Variants in MYRIP observed in about 807,000 individuals in gnomAD.
MYRIP encodes rab effector MyRIP.
In MYRIP, 49 loss-of-function variants were observed where a neutral mutation model predicts 98.0. That is an observed-to-expected ratio of 0.50 (90% confidence interval 0.40 to 0.63). The LOEUF (loss-of-function observed/expected upper bound fraction) is 0.63. Among genes scored for constraint, MYRIP ranks in the 30% least tolerant of loss-of-function variants. MYRIP has a pLI of 0.00. For missense variants in MYRIP, 1,004 were observed against 1,058.2 expected (o/e 0.95, Z 0.71); for synonymous variants, 404 against 409.5 (o/e 0.99, Z 0.16).
chr3:40,252,173 A>C (rs1221040485), intron 16 of MYRIP, among the ~76,000 whole-genome samples, 174 bp downstream of exon 16: 2 of 152,200 alleles, frequency 1.3e-5, no homozygotes, highest in Non-Finnish European at 2.9e-5. Flanking sequence ...AACCAAGAGC[A>C]GAGTGCTTGG....
At chr3:40,034,874 C>A (rs1947342304) in intron 2 of MYRIP, among the ~76,000 whole-genome samples, 1 of 151,424 alleles carries the variant, frequency 6.6e-6, no homozygotes, top group Non-Finnish European at 1.5e-5. Context: ...ACATATACAC[C>A]ATGGAATACT....
In MYRIP at chr3:40,049,279, C is replaced by T. The variant is rs770103200; in HGVS notation, c.332+5008C>T. 5.9e-5 allele frequency among the ~76,000 whole-genome samples: 9 copies of T among 152,214 alleles called. No individual in the cohort carries two copies. In the South Asian group the frequency reaches 1.7e-3, roughly 28 times the overall value. Reference sequence around the variant, plus strand: ...GCAACCCTGCATTGAGCAAGTCTGTCGAGGCCACTTTTTCCGATAGCATAG... The same window carrying T: ...GCAACCCTGCATTGAGCAAGTCTGTTGAGGCCACTTTTTCCGATAGCATAG... On this transcript the variant is annotated intron_variant, in intron 3 of 16. Coordinates refer to ENST00000302541, the MANE Select transcript of MYRIP (RefSeq NM_015460.4).
At chr3:39,963,140 T>A (rs1945364360) in intron 2 of MYRIP, among the ~76,000 whole-genome samples, 1 of 152,130 alleles carries the variant, frequency 6.6e-6, no homozygotes, top group Admixed American at 6.6e-5. Context: ...ATCAGCACTT[T>A]CCGGGTGACC....
At chr3:40,022,425 A>G (rs1947018616) in intron 2 of MYRIP, among the ~76,000 whole-genome samples, 1 of 152,214 alleles carries the variant, frequency 6.6e-6, no homozygotes, top group Non-Finnish European at 1.5e-5. Flanking sequence ...TCAGTAAGGC[A>G]GGGAGGGAAT....
intron 1 of MYRIP, among the ~76,000 whole-genome samples, chr3:39,826,491 A>G (rs1311573291): frequency 6.6e-6 from 1 of 152,004 alleles, no homozygotes; most frequent in Non-Finnish European, 1.5e-5. Context: ...ATTAATTTCC[A>G]GTTTTATTCC....
chr3:39,859,453 G>A (rs1942398214), intron 1 of MYRIP, among the ~76,000 whole-genome samples: 1 of 152,166 alleles, frequency 6.6e-6, no homozygotes, highest in Admixed American at 6.5e-5. Context: ...AGCATTTAAA[G>A]AACTGTTGCC....
chr3:40,070,126 A>G (rs556616954), intron 3 of MYRIP, among the ~76,000 whole-genome samples: 1 of 152,300 alleles, frequency 6.6e-6, no homozygotes, highest in African/African-American at 2.4e-5. Context: ...TGGGTCCCTT[A>G]ATGCCCAAAA....
At chr3:39,904,657 G>T (rs1442731555) in intron 2 of MYRIP, among the ~76,000 whole-genome samples, 1 of 152,184 alleles carries the variant, frequency 6.6e-6, no homozygotes, top group Admixed American at 6.5e-5. Flanking sequence ...ACTGGGGAAA[G>T]CTTACAGCCC....
intron 1 of MYRIP, among the ~76,000 whole-genome samples, chr3:39,816,539 C>T (rs1157993690): frequency 6.6e-6 from 1 of 152,136 alleles, no homozygotes; most frequent in Non-Finnish European, 1.5e-5. Flanking sequence ...GCACTCTGAA[C>T]AGTGCCTGGC....
At chr3:39,876,479 C>T (rs933674146) in intron 1 of MYRIP, among the ~76,000 whole-genome samples, 2 of 152,102 alleles carry the variant, frequency 1.3e-5, no homozygotes, top group Admixed American at 6.5e-5. Context: ...GTGGTTGGTA[C>T]CGGTTGTTCC....
At chr3:40,258,064 A>G in intron 16 of MYRIP, 70 bp from the exon 17 acceptor site, 1 of 1,540,724 alleles carries the variant, frequency 6.5e-7, no homozygotes, top group Non-Finnish European at 9.0e-7. Flanking sequence ...AGCAGTAAAC[A>G]TTATTTTTCA....
At chr3:40,037,400 A>G (rs1947407155) in intron 2 of MYRIP, among the ~76,000 whole-genome samples, 1 of 152,058 alleles carries the variant, frequency 6.6e-6, no homozygotes, top group Non-Finnish European at 1.5e-5. Flanking sequence ...AGAGGGAGGC[A>G]GGTTTGCATG....
chr3:39,979,998 G>C (rs927033104), intron 2 of MYRIP, among the ~76,000 whole-genome samples: 1 of 152,156 alleles, frequency 6.6e-6, no homozygotes, highest in Non-Finnish European at 1.5e-5. Flanking sequence ...CATGCCAATG[G>C]GGAGGCAGAA....
At chr3:39,828,714 A>G (rs932089440) in intron 1 of MYRIP, among the ~76,000 whole-genome samples, 2 of 152,144 alleles carry the variant, frequency 1.3e-5, no homozygotes, top group Non-Finnish European at 2.9e-5. Flanking sequence ...CCACATATCA[A>G]TGAGAACATA....
Position 40,250,245 on chromosome 3 carries a change from T to C in MYRIP, c.2286T>C (p.Ile762=). Residue 762 remains isoleucine, a synonymous_variant, in exon 14 of 17, where the codon ATT becomes ATC. Coordinates refer to ENST00000302541, the MANE Select transcript of MYRIP (RefSeq NM_015460.4). ...ELQISDIESR[I]SALTIAGLNI... is the part of the protein sequence containing the mutation. ...AGATTTCAGATATTGAGAGCCGGAT[T>C]TCAGCCCTGACCATTGCAGGATTAA... 1 of 1,613,940 alleles carries C rather than the reference T, an allele frequency of 6.2e-7. No homozygotes were observed. The highest frequency in any genetic ancestry group is 8.5e-7 in the Non-Finnish European group (1 of 1,179,818).
intron 1 of MYRIP, among the ~76,000 whole-genome samples, chr3:39,864,720 C>A (rs999956000): frequency 2.0e-5 from 3 of 152,188 alleles, no homozygotes; most frequent in Non-Finnish European, 4.4e-5. Context: ...AGTGGCCATA[C>A]TGCCCAAAGC....
chr3:40,095,686 A>G (rs1191308973), intron 3 of MYRIP, among the ~76,000 whole-genome samples: 1 of 152,114 alleles, frequency 6.6e-6, no homozygotes, highest in African/African-American at 2.4e-5. Context: ...GCAGACATGC[A>G]GTCACACACA....
At chr3:39,825,950 G>GT (rs1334861612) in intron 1 of MYRIP, among the ~76,000 whole-genome samples, 1 of 151,938 alleles carries the variant, frequency 6.6e-6, no homozygotes, top group Non-Finnish European at 1.5e-5. Flanking sequence ...CTCTTCTAAG[G>GT]TTTTAAATTT....
chr3:40,146,394 C>T (rs934443773), intron 3 of MYRIP, among the ~76,000 whole-genome samples: 3 of 152,194 alleles, frequency 2.0e-5, no homozygotes, highest in African/African-American at 4.8e-5. Context: ...ACAGTGTGAA[C>T]ATTGTATGTA....
Sources: allele counts gnomAD v4.1 joint callset (sites outside exome capture counted in the v4.1 genomes callset), GRCh38; gene constraint gnomAD v4.1.1; transcripts MANE v1.5; gene names NCBI Gene and HGNC (gene_info 2026-07-23, HGNC 2026-07-21).